Variants in IPCEF1 observed in about 807,000 individuals in gnomAD.
The protein encoded by IPCEF1 is interactor protein for cytohesin exchange factors 1.
In IPCEF1, 31 loss-of-function variants were observed where a neutral mutation model predicts 50.9. The ratio of observed to expected loss-of-function variants is 0.61; its 90% CI spans 0.46 to 0.82. The LOEUF (loss-of-function observed/expected upper bound fraction) is 0.82. IPCEF1 is among the 40% of genes least tolerant of loss of function. IPCEF1 has a pLI of 0.00. For synonymous variants in IPCEF1, 181 were observed against 192.0 expected (o/e 0.94, Z 0.47); for missense variants, 458 against 514.0 (o/e 0.89, Z 1.05).
chr6:154,254,925 A>T (rs1781426403), intron 3 of IPCEF1, among the ~76,000 whole-genome samples: 1 of 151,944 alleles, frequency 6.6e-6, no homozygotes, highest in African/African-American at 2.4e-5. Flanking sequence ...TCTTTCTCAC[A>T]TGCAATTTCT....
At chr6:154,188,109 TA>T (rs1801543497) in intron 10 of IPCEF1, among the ~76,000 whole-genome samples, 3 of 152,152 alleles carry the variant, frequency 2.0e-5, no homozygotes, top group Non-Finnish European at 4.4e-5. Flanking sequence ...ATCATATACA[TA>T]AAAAAATTTA....
At chr6:154,221,174 G>T in intron 7 of IPCEF1, 83 bp downstream of exon 7, 2 of 944,336 alleles carry the variant, frequency 2.1e-6, no homozygotes, top group Non-Finnish European at 1.7e-6. Context: ...AATTGATATG[G>T]ACATATGATT....
chr6:154,202,576 T>G (rs1562538794), intron 9 of IPCEF1, among the ~76,000 whole-genome samples: 1 of 152,222 alleles, frequency 6.6e-6, no homozygotes, highest in African/African-American at 2.4e-5. Context: ...GCTTTTCCTC[T>G]TACTCCTGCT....
Position 154,158,076 on chromosome 6 carries a change from C to T in IPCEF1, c.*1752G>A, listed in dbSNP as rs6918924. The T allele has an allele frequency of 1.5e-3, 227 of 152,302 alleles. 3 individuals carry two copies. Among genetic ancestry groups the T allele is most frequent in the African/African-American group, 5.3e-3 (220 of 41,548 alleles). The allele number at this position is 152,302 out of a possible 1,614,324, so 9.4% of individuals were successfully genotyped here. A position where few individuals can be genotyped will look rare whatever the true frequency, so the allele number is the denominator to read the frequency against. On this transcript the variant is annotated 3_prime_UTR_variant, in exon 12 of 12. Transcript: ENST00000367220. ...TGTTTTTTGTTTTTATTTCTTAATG[C>T]TAAGGTTGTTTTTTGTTTGTTTGTT...
rs543738916 is a variant in IPCEF1, at chr6:154,172,241, T to C, written c.911-4128A>G. 3.3e-5 allele frequency among the ~76,000 whole-genome samples: 5 copies of C among 152,312 alleles called. No individual in the cohort carries two copies. In the South Asian group the frequency reaches 1.0e-3, roughly 32 times the overall value. On this transcript the variant is annotated intron_variant, in intron 10 of 11. Coordinates refer to ENST00000367220, the MANE Select transcript of IPCEF1 (RefSeq NM_001130700.2). ...GAAATCAATGCAGAAGACAGGTGAT[T>C]TCTGCATTCCCAACTGAAGTACCTG...
At chr6:154,188,143 T>G (rs1801546433) in intron 10 of IPCEF1, among the ~76,000 whole-genome samples, 1 of 152,188 alleles carries the variant, frequency 6.6e-6, no homozygotes, top group Admixed American at 6.5e-5. Context: ...AGAATTAAAA[T>G]GACAATTTAG....
intron 2 of IPCEF1, among the ~76,000 whole-genome samples, chr6:154,273,827 C>T (rs1171147532): frequency 7.7e-5 from 11 of 141,964 alleles, no homozygotes; most frequent in African/African-American, 2.1e-4. Context: ...CATCTCGGCT[C>T]GCTGCAAGCT....
chr6:154,256,604 A>T (rs1781469053), intron 3 of IPCEF1, among the ~76,000 whole-genome samples: 2 of 148,066 alleles, frequency 1.4e-5, no homozygotes, highest in South Asian at 2.2e-4. Context: ...ACACACACAC[A>T]CTCTCACTTT....
chr6:154,281,354 A>G (rs1020217351), intron 2 of IPCEF1, among the ~76,000 whole-genome samples: 7 of 145,380 alleles, frequency 4.8e-5, no homozygotes, highest in Admixed American at 1.4e-4. Flanking sequence ...CCTCATCTCG[A>G]AAAAAAAAAA....
Position 154,273,720 on chromosome 6 carries a change from C to T in IPCEF1, c.-17-7756G>A, listed in dbSNP as rs1392388684. ...TTTTTCTTTTTTTCTTTCTTTCTTT[C>T]TTTCTTTTTTTTTTTTTTTTTTTTT... On this transcript the variant is annotated intron_variant, in intron 2 of 11. Transcript: ENST00000367220. Among the ~76,000 whole-genome samples, 41 of 25,412 alleles carry T rather than the reference C, an allele frequency of 1.6e-3. 1 individual carries two copies. Among genetic ancestry groups the T allele is most frequent in the South Asian group, 3.9e-3 (2 of 512 alleles). 16.7% of individuals were successfully genotyped at this position (25,412 alleles called of 152,430 possible).
intron 1 of IPCEF1, among the ~76,000 whole-genome samples, chr6:154,315,734 A>G (rs192782608): frequency 5.1e-4 from 77 of 152,292 alleles, no homozygotes; most frequent in African/African-American, 1.6e-3. Flanking sequence ...TCAAATAGGG[A>G]AAACAGAGTC....
intron 1 of IPCEF1, among the ~76,000 whole-genome samples, chr6:154,300,610 T>G (rs984220584): frequency 2.6e-5 from 4 of 152,134 alleles, no homozygotes; most frequent in African/African-American, 9.7e-5. Context: ...TAAGACCCTG[T>G]GTCTAAAAAC....
chr6:154,212,414 T>G (rs1188457069), intron 9 of IPCEF1, among the ~76,000 whole-genome samples: 4 of 152,230 alleles, frequency 2.6e-5, no homozygotes, highest in African/African-American at 9.6e-5. Context: ...TTATAGTACA[T>G]GCACATAGGC....
Position 154,160,051 on chromosome 6 carries a change from A to T in IPCEF1, c.1105-11T>A, listed in dbSNP as rs746516519. ...ATCATGTTCTTTACACTGTGTGAGT[A>T]GAAAAAAAGGGGAAGGGGGTATGTT... On this transcript the variant is annotated splice_polypyrimidine_tract_variant and intron_variant, in intron 11 of 11. Transcript: ENST00000367220. The T allele has an allele frequency of 5.0e-6, 8 of 1,599,040 alleles. No homozygotes were observed. Among genetic ancestry groups the T allele is most frequent in the Non-Finnish European group, 6.8e-6 (8 of 1,172,490 alleles).
chr6:154,333,582 A>G (rs1431249809), intron 1 of IPCEF1, among the ~76,000 whole-genome samples: 1 of 150,088 alleles, frequency 6.7e-6, no homozygotes, highest in Non-Finnish European at 1.5e-5. Context: ...ACACACACAC[A>G]TATATATACA....
intron 5 of IPCEF1, among the ~76,000 whole-genome samples, chr6:154,234,397 G>A (rs1057504996): frequency 1.3e-5 from 2 of 152,004 alleles, no homozygotes; most frequent in African/African-American, 2.4e-5. Context: ...TTGCCTTTCC[G>A]AGTATCTCCT....
At chr6:154,270,356 G>A (rs1300582090) in intron 2 of IPCEF1, among the ~76,000 whole-genome samples, 3 of 152,096 alleles carry the variant, frequency 2.0e-5, no homozygotes, top group Non-Finnish European at 2.9e-5. Flanking sequence ...ATTTACTTAC[G>A]TGAAAAATAT....
At chr6:154,192,395 G>T (rs1397942170) in intron 10 of IPCEF1, among the ~76,000 whole-genome samples, 1 of 151,636 alleles carries the variant, frequency 6.6e-6, no homozygotes, top group Non-Finnish European at 1.5e-5. Flanking sequence ...GATAGAGAGA[G>T]AACACTCTTC....
chr6:154,258,893 A>G (rs1162389211), intron 3 of IPCEF1, among the ~76,000 whole-genome samples: 1 of 152,234 alleles, frequency 6.6e-6, no homozygotes, highest in Non-Finnish European at 1.5e-5. Context: ...AATGACTGAC[A>G]TAAAGTAAGC....
Sources: allele counts gnomAD v4.1 joint callset (sites outside exome capture counted in the v4.1 genomes callset), GRCh38; gene constraint gnomAD v4.1.1; transcripts MANE v1.5; gene names NCBI Gene and HGNC (gene_info 2026-07-23, HGNC 2026-07-21).